CACUL1: variants seen among roughly 807,000 people sequenced by gnomAD.
CACUL1 encodes CDK2-associated and cullin domain-containing protein 1.
Under a neutral mutation model 45.2 loss-of-function variants are expected in CACUL1, and 13 were observed. That is an observed-to-expected ratio of 0.29 (90% CI 0.19 to 0.46). The LOEUF is 0.46. Among genes scored for constraint, CACUL1 ranks in the 20% least tolerant of loss-of-function variants. The pLI, the probability that CACUL1 is intolerant of heterozygous loss-of-function variation, is 1.00. For missense variants in CACUL1, 421 were observed against 471.4 expected (o/e 0.89, Z 0.99); for synonymous variants, 197 against 174.2 (o/e 1.13, Z -1.03).
At position 118,686,622 on chromosome 10, in the gene CACUL1, T is replaced by C. The variant is rs946404875; in HGVS notation, c.1045A>G (p.Arg349Gly). The C allele has an allele frequency of 6.2e-7, 1 of 1,613,406 alleles. No individual in the cohort carries two copies. Residue 349 changes from arginine (R) to glycine (G), a missense_variant, in exon 8 of 9, where the codon AGA becomes GGA. This residue lies in a region of CACUL1 where 208 missense variants were observed against 298.4 expected (regional missense o/e 0.70). Coordinates refer to ENST00000369151, the MANE Select transcript of CACUL1 (RefSeq NM_153810.5). ...CTATAAGCCAACTCATCCCCAGCTC[T>C]CTTCCGGGACTGGTCACCCCTGGGG... The part of the protein sequence containing the change: ...GFTRGDQSRK[R>G]AGDELAYNSS...
At chr10:118,693,856 G>A in intron 6 of CACUL1, 1 of 407,968 alleles carries the variant, frequency 2.5e-6, no homozygotes, top group Non-Finnish European at 4.8e-6. Context: ...TCAAACCCTA[G>A]ATCCAAATTT....
chr10:118,726,408 T>G, intron 3 of CACUL1: 1 of 1,029,598 alleles, frequency 9.7e-7, no homozygotes, highest in Non-Finnish European at 1.3e-6. Flanking sequence ...TGGCAGACAC[T>G]AAGGATAAAA....
intron 1 of CACUL1, among the ~76,000 whole-genome samples, chr10:118,746,860 A>C (rs1437750414): frequency 6.6e-6 from 1 of 152,236 alleles, no homozygotes; most frequent in African/African-American, 2.4e-5. Flanking sequence ...GAAATGCAAA[A>C]TAAATACACA....
chr10:118,706,868 C>CATGT (rs1845437192), intron 4 of CACUL1, among the ~76,000 whole-genome samples: 1 of 152,208 alleles, frequency 6.6e-6, no homozygotes, highest in Admixed American at 6.5e-5. Context: ...TATCCACATA[C>CATGT]AGCAAGCTAC....
At chr10:118,690,552 A>T (rs570382791) in intron 7 of CACUL1, among the ~76,000 whole-genome samples, 1 of 152,334 alleles carries the variant, frequency 6.6e-6, no homozygotes, top group East Asian at 1.9e-4. Flanking sequence ...GCCCTACTTA[A>T]GAAGAAACCA....
intron 5 of CACUL1, among the ~76,000 whole-genome samples, chr10:118,699,271 GTT>G (rs1210062985): frequency 6.6e-6 from 1 of 152,086 alleles, no homozygotes; most frequent in Non-Finnish European, 1.5e-5. Flanking sequence ...GATAAACTCA[GTT>G]TTTTCCAATT....
intron 3 of CACUL1, among the ~76,000 whole-genome samples, chr10:118,725,263 T>C (rs373344468): frequency 4.6e-5 from 7 of 152,122 alleles, no homozygotes; most frequent in African/African-American, 1.7e-4. Context: ...AGTCCAGAAG[T>C]TCAACACCAG....
At chr10:118,705,148 G>A (rs746636959) in intron 4 of CACUL1, among the ~76,000 whole-genome samples, 31 of 152,122 alleles carry the variant, frequency 2.0e-4, no homozygotes, top group Non-Finnish European at 3.5e-4. Context: ...TATCAGAAGA[G>A]ATTAAGTTAG....
At chr10:118,718,203 C>G (rs1216121925) in intron 3 of CACUL1, among the ~76,000 whole-genome samples, 2 of 152,280 alleles carry the variant, frequency 1.3e-5, no homozygotes, top group African/African-American at 4.8e-5. Context: ...TCCACTCATG[C>G]CCAGGTTTCC....
chr10:118,694,026 G>C (rs913699188), intron 6 of CACUL1, among the ~76,000 whole-genome samples: 1 of 152,120 alleles, frequency 6.6e-6, no homozygotes, highest in Non-Finnish European at 1.5e-5. Flanking sequence ...CACCATACCA[G>C]GCTAATTTTT....
chr10:118,754,870 T>TGGGCGCAGCGGAGAGGGCTGCG lies in CACUL1; in HGVS notation c.-130_-109dup. 4 of 1,438,434 alleles carry TGGGCGCAGCGGAGAGGGCTGCG rather than the reference T, an allele frequency of 2.8e-6. No individual in the cohort carries two copies. The highest frequency in any genetic ancestry group is 3.7e-6 in the Non-Finnish European group (4 of 1,078,212). 89.1% of individuals were successfully genotyped at this position (1,438,434 alleles called of 1,614,324 possible). A position where few individuals can be genotyped will look rare whatever the true frequency, so the allele number is the denominator to read the frequency against. ...CGAGTTACATCGCCGGCGGCAGGAA[T>TGGGCGCAGCGGAGAGGGCTGCG]GGGCGCAGCGGAGAGGGCTGCGGTG... is the stretch of plus-strand genomic sequence containing the variant. On this transcript the variant is annotated 5_prime_UTR_variant, in exon 1 of 9. Transcript: ENST00000369151.
chr10:118,684,991 T>C lies in CACUL1; in HGVS notation c.*1137A>G, dbSNP rs1845189995. On this transcript the variant is annotated 3_prime_UTR_variant, in exon 9 of 9. Coordinates refer to ENST00000369151, the MANE Select transcript of CACUL1 (RefSeq NM_153810.5). ...CTGTGGATGTGGAGAAACAGAAATA[T>C]AGCTTTGCCACAGCTGGAAGGGAGC... is the stretch of plus-strand genomic sequence containing the variant. The C allele has an allele frequency of 1.3e-5, 2 of 152,230 alleles. No homozygotes were observed. Among genetic ancestry groups the C allele is most frequent in the South Asian group, 4.1e-4 (2 of 4,832 alleles). The allele number at this position is 152,230 out of a possible 1,614,324, so 9.4% of individuals were successfully genotyped here. A position where few individuals can be genotyped will look rare whatever the true frequency, so the allele number is the denominator to read the frequency against.
At chr10:118,686,492 G>T in intron 8 of CACUL1, 106 bp downstream of exon 8, 2 of 922,110 alleles carry the variant, frequency 2.2e-6, no homozygotes, top group Non-Finnish European at 3.6e-6. Context: ...TGCCTTATGA[G>T]AACAACATGG....
At chr10:118,728,070 A>G (rs887226714) in intron 3 of CACUL1, among the ~76,000 whole-genome samples, 4 of 151,482 alleles carry the variant, frequency 2.6e-5, no homozygotes, top group Non-Finnish European at 5.9e-5. Context: ...AGAAAAGTAT[A>G]TATCTGACTA....
In CACUL1 at chr10:118,691,104, T is replaced by C. The variant is rs76905612; in HGVS notation, c.1025+161A>G. 6.3e-4 allele frequency among the ~76,000 whole-genome samples: 96 copies of C among 152,262 alleles called. 2 individuals are homozygous for C. In the East Asian group the frequency reaches 0.017, roughly 27 times the overall value. On this transcript the variant is annotated intron_variant, in intron 7 of 8. Coordinates refer to ENST00000369151, the MANE Select transcript of CACUL1 (RefSeq NM_153810.5). ...GCTTCCACAAAATCAAAACCTAGCT[T>C]CAACATTTCTACAGACAAGGAGCTA...
At chr10:118,708,457 GT>G (rs1353512351) in intron 3 of CACUL1, among the ~76,000 whole-genome samples, 28 of 152,152 alleles carry the variant, frequency 1.8e-4, no homozygotes, top group Admixed American at 1.8e-3. Context: ...CTGTAGAGCA[GT>G]AAAACACAAT....
Position 118,691,392 on chromosome 10 carries a change from T to C in CACUL1, c.898A>G (p.Met300Val). 2.5e-6 allele frequency: 4 copies of C among 1,612,330 alleles called. No individual in the cohort carries two copies. The highest frequency in any genetic ancestry group is 3.4e-6 in the Non-Finnish European group (4 of 1,178,690). ...LYTLRPEWVQ[M>V]APTLFSKFIP... ...AATTTAGAAAATAGAGTTGGAGCCA[T>C]CTGAACCCACTCTGTGAGGAAAGGA... The change falls in exon 7 of 9, where the codon ATG becomes GTG. Residue 300 changes from methionine (M) to valine (V), a missense_variant. Physicochemically the swap from Met to Val is conservative, Grantham distance 21 (BLOSUM62 1). Coordinates refer to ENST00000369151, the MANE Select transcript of CACUL1 (RefSeq NM_153810.5).
At chr10:118,707,197 C>T (rs1002026291) in intron 4 of CACUL1, among the ~76,000 whole-genome samples, 2 of 152,188 alleles carry the variant, frequency 1.3e-5, no homozygotes, top group Non-Finnish European at 2.9e-5. Context: ...TTTCTGGAAC[C>T]AAACACAGTG....
chr10:118,728,569 T>C (rs564734187), intron 3 of CACUL1, among the ~76,000 whole-genome samples: 1 of 152,220 alleles, frequency 6.6e-6, no homozygotes, highest in South Asian at 2.1e-4. Flanking sequence ...GATTGCTGAG[T>C]GATTTTTCTA....
Sources: allele counts gnomAD v4.1 joint callset (sites outside exome capture counted in the v4.1 genomes callset), GRCh38; gene constraint gnomAD v4.1.1; regional missense constraint gnomAD v4.1.1; transcripts MANE v1.5; gene names NCBI Gene and HGNC (gene_info 2026-07-23, HGNC 2026-07-21).